The following ATP13A3 variants were observed in gnomAD, a reference collection of about 807,000 sequenced individuals.
ATP13A3 encodes ATPase 13A3.
A neutral mutation model predicts 158.1 loss-of-function variants in ATP13A3; 59 were observed. The observed-to-expected ratio is 0.37, with a 90% CI of 0.30 to 0.46. ATP13A3 has a LOEUF of 0.46. Among genes scored for constraint, ATP13A3 ranks in the 20% least tolerant of loss-of-function variants. The pLI, the probability that ATP13A3 is intolerant of heterozygous loss-of-function variation, is 1.00. For synonymous variants in ATP13A3, 491 were observed against 504.3 expected (o/e 0.97, Z 0.35); for missense variants, 1,166 against 1,525.2 (o/e 0.76, Z 3.92).
intron 1 of ATP13A3, among the ~76,000 whole-genome samples, chr3:194,486,164 T>C (rs1226080800): frequency 2.0e-5 from 3 of 152,120 alleles, no homozygotes; most frequent in East Asian, 1.9e-4. Flanking sequence ...ACTCCTTTTA[T>C]CTGTGAAATG....
At chr3:194,450,337 G>C (rs1718717476) in intron 10 of ATP13A3, 61 bp from the exon 11 acceptor site, 1 of 1,498,242 alleles carries the variant, frequency 6.7e-7, no homozygotes, top group East Asian at 2.4e-5. Context: ...GAAAAATACA[G>C]CAAATGCTAT....
chr3:194,459,621 A>G, intron 5 of ATP13A3, 80 bp from the exon 6 acceptor site: 3 of 1,214,804 alleles, frequency 2.5e-6, no homozygotes, highest in Non-Finnish European at 3.6e-6. Context: ...ATTAACAGCT[A>G]TATATAGGAT....
In ATP13A3 at chr3:194,459,818, T is replaced by C; in HGVS notation, c.379A>G (p.Ser127Gly). 1 of 1,612,662 alleles carries C rather than the reference T, an allele frequency of 6.2e-7. No individual in the cohort carries two copies. Among genetic ancestry groups the C allele is most frequent in the Non-Finnish European group, 8.5e-7 (1 of 1,179,340 alleles). Residue 127 changes from serine (S) to glycine (G), a missense_variant, in exon 5 of 34, where the codon AGT (serine) becomes GGT (glycine). By Grantham distance (56) the Ser-to-Gly change is moderately conservative. Around this residue, in one of 3 missense-constraint regions of ATP13A3, gnomAD observed 104 missense variants for 91.7 expected, o/e 1.13. Transcript: ENST00000645319. ...TGTGATTCAGTCTGTGAATATTTAC[T>C]GATCCTGTGCCTATTTTCTTCAGTG... ...NPTEENRHRI[S>G]KYSQTESQQI...
intron 16 of ATP13A3, among the ~76,000 whole-genome samples, chr3:194,440,999 T>G (rs1281683618): frequency 6.6e-6 from 1 of 152,088 alleles, no homozygotes; most frequent in Non-Finnish European, 1.5e-5. Flanking sequence ...TTGTGTCAGT[T>G]GAGATCATCT....
At chr3:194,427,406 C>T (rs1716867661) in intron 28 of ATP13A3, among the ~76,000 whole-genome samples, 154 bp from the exon 29 acceptor site, 1 of 152,038 alleles carries the variant, frequency 6.6e-6, no homozygotes, top group African/African-American at 2.4e-5. Context: ...ACATATCGTA[C>T]ATATTTAAAT....
rs1040171828 is a variant in ATP13A3, at chr3:194,446,419, C to T, written c.1497+508G>A. Among the ~76,000 whole-genome samples, 5 of 152,254 alleles carry T rather than the reference C, an allele frequency of 3.3e-5. No homozygotes were observed. In the East Asian group the frequency reaches 9.6e-4, roughly 29 times the overall value. On this transcript the variant is annotated intron_variant, in intron 14 of 33. Coordinates refer to ENST00000645319, the MANE Select transcript of ATP13A3 (RefSeq NM_001367549.1). ...TCTGCGCGAGTGTGAGTACACCCTG[C>T]GATACGATGGCATCCTGTCTAGGGC...
At chr3:194,466,978 TCTAC>T (rs1720029085) in intron 2 of ATP13A3, among the ~76,000 whole-genome samples, 1 of 152,250 alleles carries the variant, frequency 6.6e-6, no homozygotes, top group Non-Finnish European at 1.5e-5. Context: ...ACTGACTCAA[TCTAC>T]TATGTGCCAG....
At chr3:194,439,130 C>T (rs1490146835) in intron 16 of ATP13A3, among the ~76,000 whole-genome samples, 158 bp from the exon 17 acceptor site, 1 of 152,136 alleles carries the variant, frequency 6.6e-6, no homozygotes, top group Non-Finnish European at 1.5e-5. Flanking sequence ...ACTACTGGAT[C>T]ACTAACATAA....
intron 2 of ATP13A3, among the ~76,000 whole-genome samples, chr3:194,475,198 G>A (rs1287145558): frequency 6.6e-6 from 1 of 152,102 alleles, no homozygotes; most frequent in Non-Finnish European, 1.5e-5. Flanking sequence ...AGAAATGTTT[G>A]TTTTTTCTTA....
chr3:194,479,219 C>T (rs1720655119), intron 2 of ATP13A3, among the ~76,000 whole-genome samples: 1 of 152,176 alleles, frequency 6.6e-6, no homozygotes, highest in Admixed American at 6.5e-5. Context: ...TCAACTAACT[C>T]TAAGGCAGTG....
chr3:194,440,861 G>A (rs768718299), intron 16 of ATP13A3, among the ~76,000 whole-genome samples: 1 of 152,146 alleles, frequency 6.6e-6, no homozygotes, highest in Non-Finnish European at 1.5e-5. Context: ...AGTCCCAATG[G>A]CAAAAATAGA....
chr3:194,483,440 A>AAAAAAAAAAAAC (rs1291945212), intron 2 of ATP13A3, among the ~76,000 whole-genome samples: 12 of 150,958 alleles, frequency 7.9e-5, no homozygotes, highest in African/African-American at 2.7e-4. Flanking sequence ...AAAAAAAAAA[A>AAAAAAAAAAAAC]CTAGCTGGGT....
At position 194,455,896 on chromosome 3, in the gene ATP13A3, T is replaced by C; in HGVS notation, c.627A>G (p.Lys209=). 6.5e-7 allele frequency: 1 copy of C among 1,528,598 alleles called. No homozygotes were observed. Among genetic ancestry groups the C allele is most frequent in the Non-Finnish European group, 8.9e-7 (1 of 1,121,132 alleles). 94.7% of individuals were successfully genotyped at this position (1,528,598 alleles called of 1,614,324 possible). A position where few individuals can be genotyped will look rare whatever the true frequency, so the allele number is the denominator to read the frequency against. The change falls in exon 8 of 34, where the codon AAA becomes AAG. Residue 209 remains lysine (K), a synonymous_variant. Transcript: ENST00000645319. ...KVPSVFKLLI[K]EVLNPFYIFQ... ...TATATACAATCAATAGTCTTACCTC[T>C]TTAATTAGAAGCTTAAAAACAGAAG...
At chr3:194,478,015 C>G (rs1385385574) in intron 2 of ATP13A3, among the ~76,000 whole-genome samples, 1 of 152,200 alleles carries the variant, frequency 6.6e-6, no homozygotes, top group African/African-American at 2.4e-5. Context: ...TCTAGCCAAG[C>G]AGTTCCCTGA....
chr3:194,422,170 A>C (rs534930312), intron 30 of ATP13A3, among the ~76,000 whole-genome samples: 53 of 152,312 alleles, frequency 3.5e-4, no homozygotes, highest in Non-Finnish European at 2.6e-4. Context: ...ACTAAGTGAC[A>C]GGGGAGAGAA....
chr3:194,453,685 T>G (rs1718988549), intron 10 of ATP13A3, 21 bp downstream of exon 10: 2 of 1,590,772 alleles, frequency 1.3e-6, no homozygotes, highest in Non-Finnish European at 1.7e-6. Flanking sequence ...TGATTTATTC[T>G]TCCAACATTC....
intron 14 of ATP13A3, among the ~76,000 whole-genome samples, chr3:194,446,357 G>A (rs918938185): frequency 6.6e-6 from 1 of 151,908 alleles, no homozygotes; most frequent in Non-Finnish European, 1.5e-5. Flanking sequence ...TCAAAGCTAC[G>A]CAAGTTAAGT....
At chr3:194,474,784 G>A (rs1045514289) in intron 2 of ATP13A3, among the ~76,000 whole-genome samples, 23 of 152,156 alleles carry the variant, frequency 1.5e-4, no homozygotes, top group African/African-American at 5.6e-4. Flanking sequence ...CTAAAATCAA[G>A]ACACTGCTTA....
At chr3:194,473,384 A>G (rs6765997) in intron 2 of ATP13A3, among the ~76,000 whole-genome samples, 58,843 of 151,860 alleles carry the variant, frequency 0.39, 15,719 homozygotes, top group African/African-American at 0.77. Flanking sequence ...TAAAGCAAGG[A>G]AGAGAACAAT....
Sources: gnomAD v4.1 joint callset for allele counts (sites outside exome capture counted in the v4.1 genomes callset) on GRCh38, gnomAD v4.1.1 for gene constraint, gnomAD v4.1.1 regional missense constraint, MANE v1.5 for transcripts, NCBI Gene and HGNC (gene_info 2026-07-23, HGNC 2026-07-21) for gene names.